Variants in IQSEC3 observed in about 807,000 individuals in gnomAD.
IQSEC3 encodes IQ motif and SEC7 domain-containing protein 3.
IQSEC3 carries 50 observed loss-of-function variants against 105.4 expected under a neutral mutation model. The ratio of observed to expected loss-of-function variants is 0.47; its 90% CI spans 0.38 to 0.60. The LOEUF is 0.60. Among genes scored for constraint, IQSEC3 ranks in the 20% least tolerant of loss-of-function variants. The probability of loss-of-function intolerance (pLI) is 0.00; values close to 1 mark genes in which losing one functional copy is unlikely to be tolerated. For missense variants in IQSEC3, 1,415 were observed against 1,630.0 expected (o/e 0.87, Z 2.27); for synonymous variants, 708 against 746.0 (o/e 0.95, Z 0.83).
At chr12:169,233 G>A (rs536831520) in intron 12 of IQSEC3, 128 bp downstream of exon 12, 6 of 690,402 alleles carry the variant, frequency 8.7e-6, no homozygotes, top group East Asian at 5.4e-5. Context: ...GCTGAGGAGC[G>A]CCAGGCTTGC....
chr12:102,731 T>C (rs2136923471), intron 2 of IQSEC3, among the ~76,000 whole-genome samples: 1 of 151,672 alleles, frequency 6.6e-6, no homozygotes, highest in East Asian at 1.9e-4. Context: ...GGACAGGGAG[T>C]GATTCTCCCA....
At position 175,290 on chromosome 12, in the gene IQSEC3, T is replaced by G. The variant is rs1234464604; in HGVS notation, c.*257T>G. 4.5e-6 allele frequency: 2 copies of G among 442,822 alleles called. No homozygotes were observed. The highest frequency in any genetic ancestry group is 7.9e-6 in the Non-Finnish European group (2 of 252,082). The allele number at this position is 442,822 out of a possible 1,614,324, so 27.4% of individuals were successfully genotyped here. A position where few individuals can be genotyped will look rare whatever the true frequency, so the allele number is the denominator to read the frequency against. Reference sequence around the variant, plus strand: ...CTACACAGCCAGACCCGGCGAGGCCTCCTCTTCCCCTGGCCACCACTTTCC... The same window carrying G: ...CTACACAGCCAGACCCGGCGAGGCCGCCTCTTCCCCTGGCCACCACTTTCC... On this transcript the variant is annotated 3_prime_UTR_variant, in exon 14 of 14. Transcript: ENST00000538872.
intron 12 of IQSEC3, among the ~76,000 whole-genome samples, chr12:169,839 A>G (rs1938875795): frequency 6.6e-6 from 1 of 152,242 alleles, no homozygotes. Context: ...CCAGCAAGCC[A>G]TTCACAACTG....
chr12:121,895 T>C (rs117208716), intron 2 of IQSEC3, among the ~76,000 whole-genome samples: 1,729 of 152,270 alleles, frequency 0.011, 21 homozygotes, highest in Non-Finnish European at 0.016. Context: ...TGAAAAGTTG[T>C]TATTAGGATA....
At chr12:125,603 C>A in intron 2 of IQSEC3, 30 bp from the exon 3 acceptor site, 1 of 1,470,254 alleles carries the variant, frequency 6.8e-7, no homozygotes, top group Non-Finnish European at 8.9e-7. Flanking sequence ...CCCTCTCCCC[C>A]AACCGAGCAC....
At chr12:76,090 A>T (rs572175686) in intron 1 of IQSEC3, among the ~76,000 whole-genome samples, 1 of 1,884 alleles carries the variant, frequency 5.3e-4, no homozygotes, top group Non-Finnish European at 0.018. Context: ...GTTTCATCAC[A>T]CACACACACA....
chr12:129,577 A>G (rs782716605), intron 3 of IQSEC3, among the ~76,000 whole-genome samples: 13 of 149,668 alleles, frequency 8.7e-5, no homozygotes, highest in Non-Finnish European at 1.5e-4. Flanking sequence ...AGGAGTGAGC[A>G]TGCAGGTCCC....
At chr12:127,206 T>C (rs375899221) in intron 3 of IQSEC3, among the ~76,000 whole-genome samples, 136 of 152,180 alleles carry the variant, frequency 8.9e-4, no homozygotes, top group African/African-American at 3.1e-3. Flanking sequence ...ACCTTGGTGA[T>C]AGCATCCCAG....
At chr12:107,617 A>G (rs371313764) in intron 2 of IQSEC3, among the ~76,000 whole-genome samples, 1 of 151,754 alleles carries the variant, frequency 6.6e-6, no homozygotes, top group South Asian at 2.1e-4. Flanking sequence ...TCACTGTGTT[A>G]GCCAGGATGG....
chr12:171,165 A>G lies in IQSEC3; in HGVS notation c.3114+4A>G, dbSNP rs782235124. 1 of 1,614,062 alleles carries G rather than the reference A, an allele frequency of 6.2e-7. No homozygotes were observed. Among genetic ancestry groups the G allele is most frequent in the Non-Finnish European group, 8.5e-7 (1 of 1,179,972 alleles). On this transcript the variant is annotated splice_donor_region_variant and intron_variant, in intron 13 of 13. Transcript: ENST00000538872. The stretch of plus-strand genomic sequence containing the variant: ...GCCGGCGGAGAGCACGGTGGAGGTA[A>G]GTGGAGCCCTGGTTGCCCAGGTGAG...
intron 7 of IQSEC3, 84 bp downstream of exon 7, chr12:157,778 C>T (rs1420605519): frequency 7.0e-7 from 1 of 1,430,404 alleles, no homozygotes; most frequent in Non-Finnish European, 9.5e-7. Context: ...TGAGTCTGAG[C>T]CCCTATCACA....
At chr12:76,330 C>T (rs1321681889) in intron 1 of IQSEC3, among the ~76,000 whole-genome samples, 43 of 152,252 alleles carry the variant, frequency 2.8e-4, no homozygotes, top group African/African-American at 8.4e-4. Context: ...AATACCGTGA[C>T]GGGACGGTGA....
intron 3 of IQSEC3, among the ~76,000 whole-genome samples, chr12:131,764 T>C (rs1555085188): frequency 6.6e-6 from 1 of 151,706 alleles, no homozygotes; most frequent in African/African-American, 2.4e-5. Context: ...GCACTGAGCA[T>C]TGAGGGTGGG....
chr12:140,012 C>T (rs1253916512), intron 4 of IQSEC3, among the ~76,000 whole-genome samples: 1 of 152,166 alleles, frequency 6.6e-6, no homozygotes, highest in African/African-American at 2.4e-5. Context: ...CCTGCCCCTC[C>T]CATGGAAATG....
intron 1 of IQSEC3, among the ~76,000 whole-genome samples, chr12:79,375 T>C (rs1444294172): frequency 1.3e-5 from 2 of 152,180 alleles, no homozygotes; most frequent in African/African-American, 4.8e-5. Flanking sequence ...CCTGTACTTG[T>C]ACAGGTGGCT....
chr12:109,283 C>A (rs1171031499), intron 2 of IQSEC3, among the ~76,000 whole-genome samples: 1 of 152,170 alleles, frequency 6.6e-6, no homozygotes, highest in Non-Finnish European at 1.5e-5. Flanking sequence ...AGAGGTGTGC[C>A]CTCTTCAGTT....
intron 3 of IQSEC3, among the ~76,000 whole-genome samples, 157 bp downstream of exon 3, chr12:126,069 C>T (rs1565414844): frequency 6.6e-6 from 1 of 152,238 alleles, no homozygotes; most frequent in East Asian, 1.9e-4. Flanking sequence ...GTTTGCCCTT[C>T]CCTGGACCAG....
At chr12:98,108 G>A (rs782465513) in intron 1 of IQSEC3, among the ~76,000 whole-genome samples, 1 of 152,206 alleles carries the variant, frequency 6.6e-6, no homozygotes, top group Admixed American at 6.5e-5. Context: ...GCCCTTCCAG[G>A]TTTGACATTC....
At chr12:124,570 C>T (rs1865322978) in intron 2 of IQSEC3, among the ~76,000 whole-genome samples, 1 of 152,094 alleles carries the variant, frequency 6.6e-6, no homozygotes, top group African/African-American at 2.4e-5. Context: ...AGCCAGTTGC[C>T]CAAAGCCACA....
Sources: gnomAD v4.1 joint callset for allele counts (sites outside exome capture counted in the v4.1 genomes callset) on GRCh38, gnomAD v4.1.1 for gene constraint, MANE v1.5 for transcripts, NCBI Gene and HGNC (gene_info 2026-07-23, HGNC 2026-07-21) for gene names.